MARF1: variants seen among roughly 807,000 people sequenced by gnomAD.
The protein encoded by MARF1 is limkain-b1.
MARF1 carries 24 observed loss-of-function variants against 168.2 expected under a neutral mutation model. The ratio of observed to expected loss-of-function variants is 0.14; its 90% CI spans 0.10 to 0.20. The LOEUF (loss-of-function observed/expected upper bound fraction) is 0.20. MARF1 is among the 10% of genes least tolerant of loss of function. The pLI is 1.00. For missense variants in MARF1, 1,744 were observed against 2,143.6 expected (o/e 0.81, Z 3.68); for synonymous variants, 868 against 822.4 (o/e 1.06, Z -0.95).
At position 15,620,480 on chromosome 16, in the gene MARF1, C is replaced by G. The variant is rs764180500; in HGVS notation, c.2691G>C (p.Leu897=). The part of the protein sequence containing the change: ...LQDAPACCLP[L]FKFTDIYEKK... Reference sequence around the variant, plus strand: ...TTTCATAGATATCTGTAAATTTAAACAGAGGCAGGCAACAGGCAGGGGCAT... The same window carrying G: ...TTTCATAGATATCTGTAAATTTAAAGAGAGGCAGGCAACAGGCAGGGGCAT... Residue 897 remains leucine (L), a synonymous_variant, in exon 13 of 27, where the codon CTG becomes CTC. Transcript: ENST00000396368. 4 of 1,612,698 alleles carry G rather than the reference C, an allele frequency of 2.5e-6. No homozygotes were observed. In the African/African-American group the frequency reaches 5.3e-5, roughly 22 times the overall value.
intron 11 of MARF1, among the ~76,000 whole-genome samples, 155 bp from the exon 12 acceptor site, chr16:15,622,066 G>GA (rs1438315058): frequency 6.6e-6 from 1 of 152,176 alleles, no homozygotes; most frequent in African/African-American, 2.4e-5. Context: ...CAGGACGTAA[G>GA]AAAGTGAGGA....
intron 10 of MARF1, among the ~76,000 whole-genome samples, chr16:15,623,781 C>T (rs1300659177): frequency 6.6e-6 from 1 of 152,152 alleles, no homozygotes; most frequent in Non-Finnish European, 1.5e-5. Flanking sequence ...CAATTTAAGG[C>T]GTCTAACCTC....
chr16:15,596,467 G>T lies in MARF1; in HGVS notation c.*226C>A. The T allele has an allele frequency of 2.6e-6, 1 of 386,534 alleles. No individual in the cohort carries two copies. The highest frequency in any genetic ancestry group is 4.5e-6 in the Non-Finnish European group (1 of 221,872). 23.9% of individuals were successfully genotyped at this position (386,534 alleles called of 1,614,324 possible). ...AAGGATTCTTTAACAAATGCCACAA[G>T]TTCTTCAAATAATTGAAAAAAGAAA... On this transcript the variant is annotated 3_prime_UTR_variant, in exon 27 of 27. Transcript: ENST00000396368.
chr16:15,631,210 A>G lies in MARF1; in HGVS notation c.1351+171T>C, dbSNP rs182000065. On this transcript the variant is annotated intron_variant, in intron 6 of 26. Transcript: ENST00000396368. ...CAAGTTCCAAGGAGGAAATACAGAAATCCACCTAGACCCAATTTTTTTTCT... is the reference window on the plus strand; with the variant it reads ...CAAGTTCCAAGGAGGAAATACAGAAGTCCACCTAGACCCAATTTTTTTTCT... Among the ~76,000 whole-genome samples the G allele has an allele frequency of 3.3e-5, 5 of 152,322 alleles. No homozygotes were observed. In the East Asian group the frequency reaches 9.6e-4, roughly 29 times the overall value.
At chr16:15,642,412 C>G (rs1002734983) in intron 1 of MARF1, 1 of 152,180 alleles carries the variant, frequency 6.6e-6, no homozygotes, top group African/African-American at 2.4e-5. Context: ...AATAGGAAAA[C>G]AGTTTAGGTT....
rs1249607149 is a variant in MARF1 at position 15,633,832 on chromosome 16, C to T, written c.1018G>A (p.Val340Ile). 1.9e-6 allele frequency: 3 copies of T among 1,611,130 alleles called. No homozygotes were observed. The highest frequency in any genetic ancestry group is 2.5e-6 in the Non-Finnish European group (3 of 1,178,436). ...TCTAGCACCTGTCCAGCTACTGCAA[C>T]TTCTGGTGACCCTTAAGAAATGTTA... The part of the protein sequence containing the change: ...KAASKFGSPE[V>I]AVAGQVLENL... The change falls in exon 5 of 27, where the codon GTT becomes ATT. Residue 340 changes from valine to isoleucine, a missense_variant. Val to Ile is a conservative substitution (Grantham distance 29). This residue lies in a region of MARF1 where 217 missense variants were observed against 372.4 expected (regional missense o/e 0.58). Transcript: ENST00000396368.
At chr16:15,601,531 C>A in intron 23 of MARF1, 1 of 237,080 alleles carries the variant, frequency 4.2e-6, no homozygotes, top group Non-Finnish European at 8.4e-6. Flanking sequence ...TGCCACTTGT[C>A]ACAACCCTGC....
chr16:15,608,250 T>G, intron 21 of MARF1, 41 bp downstream of exon 21: 2 of 1,297,480 alleles, frequency 1.5e-6, no homozygotes, highest in Non-Finnish European at 1.1e-6. Context: ...GTGAGTTTTA[T>G]CCCATGAGGG....
chr16:15,641,477 G>A (rs2035955251), intron 1 of MARF1, among the ~76,000 whole-genome samples: 1 of 152,168 alleles, frequency 6.6e-6, no homozygotes, highest in East Asian at 1.9e-4. Flanking sequence ...GCCAAATCCT[G>A]AAAGTGAGCT....
intron 15 of MARF1, 119 bp downstream of exon 15, chr16:15,616,933 A>G (rs2034097456): frequency 7.2e-7 from 1 of 1,388,292 alleles, no homozygotes; most frequent in African/African-American, 1.4e-5. Flanking sequence ...AAGGCTAAAC[A>G]CATGAGGATG....
At chr16:15,606,578 A>G (rs1300234980) in intron 21 of MARF1, among the ~76,000 whole-genome samples, 4 of 151,876 alleles carry the variant, frequency 2.6e-5, no homozygotes, top group African/African-American at 9.7e-5. Flanking sequence ...CCCTCTCTCT[A>G]GTGGAAAACC....
At chr16:15,613,155 A>G (rs1182532071) in intron 16 of MARF1, among the ~76,000 whole-genome samples, 1 of 152,208 alleles carries the variant, frequency 6.6e-6, no homozygotes, top group Non-Finnish European at 1.5e-5. Flanking sequence ...CAAAGTTATA[A>G]ATGGTCATCA....
chr16:15,625,064 G>T lies in MARF1; in HGVS notation c.2063C>A (p.Thr688Lys), dbSNP rs371559993. The T allele has an allele frequency of 1.2e-6, 2 of 1,614,158 alleles. No homozygotes were observed. Among genetic ancestry groups the T allele is most frequent in the South Asian group, 2.2e-5 (2 of 91,086 alleles). The part of the protein sequence containing the change: ...THGNSSAAVS[T>K]PKNSGVAEPV... ...TTCTGCCACCCCCGAGTTTTTCGGC[G>T]TCGACACTGCAGCACTTGAGTTACC... The change falls in exon 9 of 27, where the codon ACG becomes AAG. Residue 688 changes from threonine (T) to lysine (K), a missense_variant. Thr to Lys is a moderately conservative substitution (Grantham distance 78). Transcript: ENST00000396368.
At chr16:15,616,033 G>A in intron 15 of MARF1, 28 bp from the exon 16 acceptor site, 3 of 1,442,504 alleles carry the variant, frequency 2.1e-6, no homozygotes, top group Non-Finnish European at 2.8e-6. Context: ...AACAAAAAAA[G>A]GAAAGGTTAA....
chr16:15,621,643 G>T, intron 12 of MARF1, 90 bp downstream of exon 12: 1 of 1,213,482 alleles, frequency 8.2e-7, no homozygotes, highest in Non-Finnish European at 1.2e-6. Flanking sequence ...CAAGGGGGTG[G>T]GAATGTGATT....
Position 15,596,528 on chromosome 16 carries a change from A to T in MARF1, c.*165T>A. 1 of 538,192 alleles carries T rather than the reference A, an allele frequency of 1.9e-6. No individual in the cohort carries two copies. Among genetic ancestry groups the T allele is most frequent in the Non-Finnish European group, 3.1e-6 (1 of 321,768 alleles). The allele number at this position is 538,192 out of a possible 1,614,324, so 33.3% of individuals were successfully genotyped here. On this transcript the variant is annotated 3_prime_UTR_variant, in exon 27 of 27. Coordinates refer to ENST00000396368, the MANE Select transcript of MARF1 (RefSeq NM_014647.4). The stretch of plus-strand genomic sequence containing the variant: ...GAAGAAAAGAAAGACTTCAGCTCAA[A>T]GCTGTGTTCAATGGAAAAGAAAAAC...
intron 4 of MARF1, 144 bp from the exon 5 acceptor site, chr16:15,633,987 G>T: frequency 1.5e-6 from 1 of 657,684 alleles, no homozygotes; most frequent in Non-Finnish European, 2.6e-6. Context: ...CAACCTCACT[G>T]GTTGACCTAA....
intron 2 of MARF1, among the ~76,000 whole-genome samples, chr16:15,638,625 C>G (rs2035752735): frequency 6.6e-6 from 1 of 151,756 alleles, no homozygotes; most frequent in Non-Finnish European, 1.5e-5. Flanking sequence ...AATGAGTAAG[C>G]AAGAAGTTAG....
At chr16:15,622,808 A>T (rs935923449) in intron 11 of MARF1, 126 bp downstream of exon 11, 9 of 661,524 alleles carry the variant, frequency 1.4e-5, no homozygotes, top group Admixed American at 3.4e-5. Flanking sequence ...AGGGAAAAGG[A>T]AGGAGTTCAA....
Sources: gnomAD v4.1 joint callset for allele counts (sites outside exome capture counted in the v4.1 genomes callset) on GRCh38, gnomAD v4.1.1 for gene constraint, gnomAD v4.1.1 regional missense constraint, MANE v1.5 for transcripts, NCBI Gene and HGNC (gene_info 2026-07-23, HGNC 2026-07-21) for gene names.